Variants in FAM78B observed in about 807,000 individuals in gnomAD.
FAM78B encodes protein FAM78B.
FAM78B carries 10 observed loss-of-function variants against 20.0 expected under a neutral mutation model. The ratio of observed to expected loss-of-function variants is 0.50; its 90% confidence interval spans 0.31 to 0.85. The LOEUF (loss-of-function observed/expected upper bound fraction) is 0.85, where lower values mean the gene tolerates loss of function less well. FAM78B is among the 40% of genes least tolerant of loss of function. FAM78B has a pLI of 0.05. For missense variants in FAM78B, 283 were observed against 345.0 expected, an observed-to-expected ratio of 0.82 and a Z score of 1.42; for synonymous variants, 135 against 132.8, an observed-to-expected ratio of 1.02 and a Z score of -0.12.
chr1:166,118,180 A>T (rs1056708746), intron 1 of FAM78B, among the ~76,000 whole-genome samples: 1 of 152,246 alleles, frequency 6.6e-6, no homozygotes, highest in South Asian at 2.1e-4. Context: ...ACCTGCTCAC[A>T]GACAGGAGCT....
chr1:166,090,243 C>T (rs1473235483), intron 1 of FAM78B, among the ~76,000 whole-genome samples: 1 of 152,122 alleles, frequency 6.6e-6, no homozygotes, highest in Non-Finnish European at 1.5e-5. Context: ...AGTCCAATCC[C>T]CCATGCAACA....
chr1:166,110,286 A>G (rs923393776), intron 1 of FAM78B, among the ~76,000 whole-genome samples: 8 of 151,902 alleles, frequency 5.3e-5, no homozygotes, highest in Non-Finnish European at 8.8e-5. Flanking sequence ...AAAAAGAAAG[A>G]GAATGGGGAT....
At chr1:166,111,907 A>G (rs889691064) in intron 1 of FAM78B, among the ~76,000 whole-genome samples, 5 of 152,226 alleles carry the variant, frequency 3.3e-5, no homozygotes, top group Non-Finnish European at 7.3e-5. Flanking sequence ...CTAAATTTCC[A>G]TCCAGGTCAT....
In FAM78B at chr1:166,166,259, G is replaced by A. The variant is rs1204067218; in HGVS notation, c.-11C>T. 6.5e-6 allele frequency: 9 copies of A among 1,390,304 alleles called. No homozygotes were observed. Among genetic ancestry groups the A allele is most frequent in the Admixed American group, 2.8e-5 (1 of 35,976 alleles). 86.1% of individuals were successfully genotyped at this position (1,390,304 alleles called of 1,614,324 possible). On this transcript the variant is annotated 5_prime_UTR_variant, in exon 1 of 2. Transcript: ENST00000354422. Reference sequence around the variant, plus strand: ...TTGGATACAGCCCATCCTGCAGCCCGGTGCCGGCACGGCGCGGCGTGGGGC... The same window carrying A: ...TTGGATACAGCCCATCCTGCAGCCCAGTGCCGGCACGGCGCGGCGTGGGGC...
intron 1 of FAM78B, among the ~76,000 whole-genome samples, chr1:166,140,424 C>T (rs1414658819): frequency 6.6e-6 from 1 of 152,224 alleles, no homozygotes; most frequent in Non-Finnish European, 1.5e-5. Flanking sequence ...GGTCATAAAT[C>T]TGGGAAGCCA....
intron 1 of FAM78B, among the ~76,000 whole-genome samples, chr1:166,077,629 ATATAAT>A (rs1571138319): frequency 1.4e-5 from 2 of 140,000 alleles, no homozygotes; most frequent in Non-Finnish European, 3.0e-5. Context: ...TATATAATAC[ATATAAT>A]TATATATTTA....
intron 1 of FAM78B, among the ~76,000 whole-genome samples, chr1:166,162,425 G>A (rs1208903720): frequency 6.6e-6 from 1 of 152,190 alleles, no homozygotes; most frequent in African/African-American, 2.4e-5. Context: ...ACCATTAAAA[G>A]TTCCCTTATA....
chr1:166,159,165 G>A (rs376194357), intron 1 of FAM78B, among the ~76,000 whole-genome samples: 8 of 152,212 alleles, frequency 5.3e-5, no homozygotes, highest in Admixed American at 3.3e-4. Context: ...CAGTAACAGC[G>A]GCCATAACTA....
At chr1:166,092,926 T>C (rs28556750) in intron 1 of FAM78B, among the ~76,000 whole-genome samples, 1 of 152,232 alleles carries the variant, frequency 6.6e-6, no homozygotes, top group South Asian at 2.1e-4. Context: ...ACAAGCTTAC[T>C]GGATCTCAGA....
chr1:166,128,084 G>A (rs768581275), intron 1 of FAM78B, among the ~76,000 whole-genome samples: 1 of 152,126 alleles, frequency 6.6e-6, no homozygotes. Context: ...CTAAAACATA[G>A]GAAGTGAAGG....
rs551521065 is a variant in FAM78B, at chr1:166,122,671, A to G, written c.263+43315T>C. Among the ~76,000 whole-genome samples the G allele has an allele frequency of 3.9e-5, 6 of 152,300 alleles. No individual in the cohort carries two copies. The East Asian group carries it at 1.2e-3, about 29-fold the overall frequency. On this transcript the variant is annotated intron_variant, in intron 1 of 1. Coordinates refer to ENST00000354422, the MANE Select transcript of FAM78B (RefSeq NM_001017961.5). ...TCTCTTAGCATCTGTGTGTCGTTCT[A>G]TATGTTATTTGATCTCTCTGAACCT...
At chr1:166,068,980 T>C (rs1474184839), downstream of FAM78B, among the ~76,000 whole-genome samples, 2 of 152,210 alleles carry the variant, frequency 1.3e-5, no homozygotes, top group Non-Finnish European at 2.9e-5. Flanking sequence ...ACTGGTTAAA[T>C]CTTAGCAATA....
intron 1 of FAM78B, among the ~76,000 whole-genome samples, chr1:166,109,862 G>GTATA (rs1491187344): frequency 6.1e-4 from 10 of 16,276 alleles, no homozygotes; most frequent in East Asian, 2.0e-3. Flanking sequence ...ATATATATAT[G>GTATA]TATGTGTATA....
intron 1 of FAM78B, among the ~76,000 whole-genome samples, chr1:166,162,439 C>T (rs886142864): frequency 6.6e-6 from 1 of 152,274 alleles, no homozygotes; most frequent in Non-Finnish European, 1.5e-5. Flanking sequence ...CCTTATAGCC[C>T]CAGAAGACTC....
chr1:166,166,000 G>A lies in FAM78B; in HGVS notation c.249C>T (p.Tyr83=). The change falls in exon 1 of 2, where the codon TAC becomes TAT. Residue 83 remains tyrosine, a synonymous_variant. Coordinates refer to ENST00000354422, the MANE Select transcript of FAM78B (RefSeq NM_001017961.5). ...GAGTCGCTTACATGCCCAGGTCGCT[G>A]TAGGTGTTGAAGAACTCCATCTGAT... ...ACNQMEFFNT[Y]SDLGMSSWEL... 3.7e-6 allele frequency: 6 copies of A among 1,613,822 alleles called. No individual in the cohort carries two copies. The highest frequency in any genetic ancestry group is 5.1e-6 in the Non-Finnish European group (6 of 1,179,974).
At chr1:166,143,438 C>CAGAGATGTTTCTGGTTCCCT (rs983951313) in intron 1 of FAM78B, among the ~76,000 whole-genome samples, 7 of 152,108 alleles carry the variant, frequency 4.6e-5, no homozygotes, top group African/African-American at 1.4e-4. Context: ...AGAGATGTTT[C>CAGAGATGTTTCTGGTTCCCT]AGAGATGTTT....
At chr1:166,124,923 C>G (rs1263369885) in intron 1 of FAM78B, among the ~76,000 whole-genome samples, 1 of 152,180 alleles carries the variant, frequency 6.6e-6, no homozygotes, top group African/African-American at 2.4e-5. Context: ...AGACACCCAG[C>G]AAGCTGGTCA....
intron 1 of FAM78B, among the ~76,000 whole-genome samples, chr1:166,134,540 A>ATAC (rs1436948976): frequency 6.6e-6 from 1 of 151,192 alleles, no homozygotes; most frequent in African/African-American, 2.4e-5. Flanking sequence ...AATAATAATA[A>ATAC]TAAGTATAAG....
intron 1 of FAM78B, among the ~76,000 whole-genome samples, chr1:166,123,811 G>C (rs1654546451): frequency 6.6e-6 from 1 of 152,134 alleles, no homozygotes; most frequent in African/African-American, 2.4e-5. Flanking sequence ...CGCCATGAGG[G>C]GCAAGCTGAA....
Sources: gnomAD v4.1 joint callset for allele counts (sites outside exome capture counted in the v4.1 genomes callset) on GRCh38, gnomAD v4.1.1 for gene constraint, MANE v1.5 for transcripts, NCBI Gene and HGNC (gene_info 2026-07-23, HGNC 2026-07-21) for gene names.